The following PANK1 variants were observed in gnomAD, a reference collection of about 807,000 sequenced individuals.
The protein encoded by PANK1 is pantothenate kinase 1, also known as pantothenic acid kinase 1.
PANK1 carries 18 observed loss-of-function variants against 40.1 expected under a neutral mutation model. The observed-to-expected ratio is 0.45, with a 90% CI of 0.31 to 0.67. The LOEUF is 0.67. Ranked by LOEUF, PANK1 falls within the 30% of genes least tolerant of loss-of-function variation. The pLI is 0.06. For missense variants in PANK1, 457 were observed against 599.6 expected (o/e 0.76, Z 2.48); for synonymous variants, 242 against 237.7 (o/e 1.02, Z -0.17).
At position 89,645,083 on chromosome 10, in the gene PANK1, GC is replaced by G; in HGVS notation, c.-193del. The G allele has an allele frequency of 3.3e-6, 5 of 1,506,080 alleles. No homozygotes were observed. Among genetic ancestry groups the G allele is most frequent in the East Asian group, 2.8e-5 (1 of 35,950 alleles). The allele number at this position is 1,506,080 out of a possible 1,614,324, so 93.3% of individuals were successfully genotyped here. On this transcript the variant is annotated 5_prime_UTR_variant, in exon 1 of 7. Transcript: ENST00000307534. Reference sequence around the variant, plus strand: ...GACTCCCCCACCTCCTCTGCGCCCTGCCCCCCGCGCGCCGGCCCCACGGCGC... The same window carrying G: ...GACTCCCCCACCTCCTCTGCGCCCTGCCCCCGCGCGCCGGCCCCACGGCGC...
chr10:89,588,521 T>A, intron 6 of PANK1, 131 bp downstream of exon 6: 1 of 577,780 alleles, frequency 1.7e-6, no homozygotes, highest in Non-Finnish European at 2.8e-6. Context: ...TCTTATCCTT[T>A]GTGTAAATGC....
At chr10:89,587,449 T>C (rs1844228447) in intron 6 of PANK1, among the ~76,000 whole-genome samples, 1 of 152,204 alleles carries the variant, frequency 6.6e-6, no homozygotes, top group South Asian at 2.1e-4. Context: ...TTGAAAAAGG[T>C]AGTCAGAAAT....
At chr10:89,627,738 A>G (rs902439233) in intron 1 of PANK1, among the ~76,000 whole-genome samples, 4 of 150,926 alleles carry the variant, frequency 2.7e-5, no homozygotes, top group Admixed American at 6.6e-5. Flanking sequence ...TTTAATATTT[A>G]CTAATGGTAG....
intron 6 of PANK1, among the ~76,000 whole-genome samples, chr10:89,587,496 A>G (rs1184151772): frequency 2.6e-5 from 4 of 152,248 alleles, no homozygotes; most frequent in South Asian, 2.1e-4. Context: ...ACAACGTGAA[A>G]GAGAGAGAGA....
Position 89,644,898 on chromosome 10 carries a change from G to T in PANK1, c.-7C>A, listed in dbSNP as rs776876180. 6.6e-7 allele frequency: 1 copy of T among 1,520,440 alleles called. No individual in the cohort carries two copies. Among genetic ancestry groups the T allele is most frequent in the Non-Finnish European group, 8.8e-7 (1 of 1,138,594 alleles). 94.2% of individuals were successfully genotyped at this position (1,520,440 alleles called of 1,614,324 possible). A position where few individuals can be genotyped will look rare whatever the true frequency, so the allele number is the denominator to read the frequency against. ...GCCCGCTGCGGTCGCCCATGCCGGG[G>T]GCTGGCGGGGCTGTGCGCGGGCCCC... is the stretch of plus-strand genomic sequence containing the variant. On this transcript the variant is annotated 5_prime_UTR_variant, in exon 1 of 7. Transcript: ENST00000307534.
chr10:89,611,633 A>T (rs1394872188), intron 2 of PANK1, 63 bp downstream of exon 2: 4 of 1,183,908 alleles, frequency 3.4e-6, no homozygotes, highest in Non-Finnish European at 3.6e-6. Flanking sequence ...CTTCGGTATG[A>T]GTGGCCATGA....
intron 1 of PANK1, among the ~76,000 whole-genome samples, chr10:89,634,597 CTTCTGAA>C (rs971215358): frequency 6.6e-6 from 1 of 152,178 alleles, no homozygotes; most frequent in African/African-American, 2.4e-5. Context: ...TGATGTAGTT[CTTCTGAA>C]TTCTGAAGTC....
At chr10:89,642,399 G>A (rs975353248) in intron 1 of PANK1, among the ~76,000 whole-genome samples, 4 of 152,216 alleles carry the variant, frequency 2.6e-5, no homozygotes, top group African/African-American at 9.7e-5. Flanking sequence ...TGTTGGGACA[G>A]AGGCCAAACT....
chr10:89,642,666 A>G (rs970907451), intron 1 of PANK1, among the ~76,000 whole-genome samples: 5 of 152,238 alleles, frequency 3.3e-5, no homozygotes, highest in African/African-American at 9.6e-5. Flanking sequence ...TTTTATAAAG[A>G]TATGTGAATG....
At chr10:89,618,982 C>T (rs1457867180) in intron 1 of PANK1, among the ~76,000 whole-genome samples, 1 of 152,114 alleles carries the variant, frequency 6.6e-6, no homozygotes, top group Admixed American at 6.6e-5. Flanking sequence ...ACTAATATAC[C>T]CCTAAATCAA....
chr10:89,611,239 AGGCACTTGAGAGCAAAT>A (rs796233716), intron 2 of PANK1, among the ~76,000 whole-genome samples: 3 of 152,340 alleles, frequency 2.0e-5, no homozygotes, highest in African/African-American at 7.2e-5. Flanking sequence ...TGCTGAAAAA[AGGCACTTGAGAGCAAAT>A]GGGTAGATAG....
chr10:89,588,518 CT>C, intron 6 of PANK1, 133 bp downstream of exon 6: 1 of 568,454 alleles, frequency 1.8e-6, no homozygotes, highest in East Asian at 3.1e-5. Context: ...TTTTCTTATC[CT>C]TTGTGTAAAT....
intron 1 of PANK1, chr10:89,625,949 G>C (rs984589170): frequency 2.6e-5 from 4 of 152,154 alleles, no homozygotes; most frequent in Non-Finnish European, 5.9e-5. Flanking sequence ...AGCTCAGTGA[G>C]AGTGGTTTCT....
chr10:89,590,001 A>G (rs7095066), intron 5 of PANK1, among the ~76,000 whole-genome samples: 19,629 of 150,040 alleles, frequency 0.13, 1,774 homozygotes, highest in African/African-American at 0.25. Context: ...CCATGTTTCA[A>G]ATAAATTCCA....
At chr10:89,638,067 T>C (rs1218869361) in intron 1 of PANK1, among the ~76,000 whole-genome samples, 1 of 152,216 alleles carries the variant, frequency 6.6e-6, no homozygotes, top group Non-Finnish European at 1.5e-5. Context: ...GAAGGTATTA[T>C]GTATTATACA....
intron 6 of PANK1, among the ~76,000 whole-genome samples, chr10:89,586,027 T>A (rs1844186166): frequency 6.6e-6 from 1 of 152,234 alleles, no homozygotes; most frequent in African/African-American, 2.4e-5. Context: ...TACAGGGTGA[T>A]ATAGGCGACT....
intron 1 of PANK1, among the ~76,000 whole-genome samples, chr10:89,622,047 C>T (rs1564632162): frequency 6.6e-6 from 1 of 152,166 alleles, no homozygotes; most frequent in Non-Finnish European, 1.5e-5. Context: ...GTAGATTAAC[C>T]TATCACTAAA....
intron 2 of PANK1, among the ~76,000 whole-genome samples, chr10:89,608,962 C>T (rs1564626278): frequency 6.6e-6 from 1 of 152,188 alleles, no homozygotes; most frequent in Non-Finnish European, 1.5e-5. Flanking sequence ...GGTCTCTGCT[C>T]CAACATTGCC....
chr10:89,582,951 G>T (rs1844081743), downstream of PANK1: 1 of 152,142 alleles, frequency 6.6e-6, no homozygotes, highest in Admixed American at 6.5e-5. Flanking sequence ...ATAAACATGA[G>T]AATTAAGAAA....
Sources: allele counts gnomAD v4.1 joint callset (sites outside exome capture counted in the v4.1 genomes callset), GRCh38; gene constraint gnomAD v4.1.1; transcripts MANE v1.5; gene names NCBI Gene and HGNC (gene_info 2026-07-23, HGNC 2026-07-21).